Variants in CLIP2 observed in about 807,000 individuals in gnomAD.
The protein encoded by CLIP2 is CAP-Gly domain containing linker protein 2, also known as CAP-Gly domain-containing linker protein 2.
CLIP2 carries 41 observed loss-of-function variants against 111.7 expected under a neutral mutation model. The observed-to-expected ratio is 0.37, with a 90% CI of 0.29 to 0.48. The LOEUF (loss-of-function observed/expected upper bound fraction) is 0.48, where lower values mean the gene tolerates loss of function less well. Ranked by LOEUF, CLIP2 falls within the 20% of genes least tolerant of loss-of-function variation. The pLI, the probability that CLIP2 is intolerant of heterozygous loss-of-function variation, is 0.99. For missense variants in CLIP2, 1,160 were observed against 1,422.1 expected (o/e 0.82, Z 2.96); for synonymous variants, 660 against 644.2 (o/e 1.02, Z -0.37).
intron 1 of CLIP2, among the ~76,000 whole-genome samples, chr7:74,308,387 C>T (rs976333949): frequency 2.0e-5 from 3 of 152,162 alleles, no homozygotes; most frequent in African/African-American, 4.8e-5. Context: ...GGCTGATCAC[C>T]ACAAGCCACT....
chr7:74,343,527 T>C (rs1789719104), intron 3 of CLIP2, among the ~76,000 whole-genome samples: 2 of 152,126 alleles, frequency 1.3e-5, no homozygotes, highest in African/African-American at 2.4e-5. Context: ...TCATTCTCCA[T>C]GTGTCTGTTC....
intron 11 of CLIP2, among the ~76,000 whole-genome samples, chr7:74,382,471 ATTTT>A (rs35499422): frequency 1.5e-5 from 2 of 129,182 alleles, no homozygotes; most frequent in Admixed American, 7.9e-5. Context: ...TGCCCTGCTA[ATTTT>A]TTTTTTTTTT....
At chr7:74,297,886 C>G (rs782437927) in intron 1 of CLIP2, among the ~76,000 whole-genome samples, 4 of 151,454 alleles carry the variant, frequency 2.6e-5, no homozygotes, top group Non-Finnish European at 5.9e-5. Context: ...CATCTTGGAT[C>G]ACTGCAACCT....
Position 74,403,923 on chromosome 7 carries a change from G to A in CLIP2, c.*75G>A. On this transcript the variant is annotated 3_prime_UTR_variant, in exon 17 of 17. Coordinates refer to ENST00000223398, the MANE Select transcript of CLIP2 (RefSeq NM_003388.5). The stretch of plus-strand genomic sequence containing the variant: ...GGCTGCCCGGCAGTACCTCCTCCAG[G>A]CAGGAGCCGGGACTGTCACTTTGGA... 6.6e-7 allele frequency: 1 copy of A among 1,504,664 alleles called. No homozygotes were observed. The highest frequency in any genetic ancestry group is 9.2e-7 in the Non-Finnish European group (1 of 1,085,566). 93.2% of individuals were successfully genotyped at this position (1,504,664 alleles called of 1,614,324 possible).
intron 1 of CLIP2, among the ~76,000 whole-genome samples, chr7:74,314,649 G>A (rs1584317893): frequency 6.6e-6 from 1 of 152,292 alleles, no homozygotes; most frequent in South Asian, 2.1e-4. Context: ...TCCTCCATCC[G>A]ACTATGGTGC....
intron 10 of CLIP2, among the ~76,000 whole-genome samples, chr7:74,378,344 T>G (rs1584376982): frequency 6.6e-6 from 1 of 151,544 alleles, no homozygotes; most frequent in African/African-American, 2.4e-5. Context: ...CCCAGGCTGG[T>G]CTCAAACTCC....
Position 74,397,091 on chromosome 7 carries a change from G to A in CLIP2, c.2738G>A (p.Arg913Gln), listed in dbSNP as rs781807381. 3.7e-6 allele frequency: 6 copies of A among 1,613,784 alleles called. No homozygotes were observed. Among genetic ancestry groups the A allele is most frequent in the Non-Finnish European group, 5.1e-6 (6 of 1,179,930 alleles). The change falls in exon 14 of 17, where the codon CGG (arginine) becomes CAG (glutamine). Residue 913 changes from arginine (R) to glutamine (Q), a missense_variant. Physicochemically the swap from Arg to Gln is conservative, Grantham distance 43 (BLOSUM62 1). Coordinates refer to ENST00000223398, the MANE Select transcript of CLIP2 (RefSeq NM_003388.5). ...LRKERSLNELRVLLLEANRHS... is the reference protein window; with the variant it reads ...LRKERSLNELQVLLLEANRHS... Reference sequence around the variant, plus strand: ...ACCCCCAGGAGCCTGAACGAACTGCGGGTGTTGCTGCTGGAGGCCAATCGT... The same window carrying A: ...ACCCCCAGGAGCCTGAACGAACTGCAGGTGTTGCTGCTGGAGGCCAATCGT...
At chr7:74,332,498 A>C (rs537883) in intron 2 of CLIP2, among the ~76,000 whole-genome samples, 1 of 136,520 alleles carries the variant, frequency 7.3e-6, no homozygotes, top group African/African-American at 2.9e-5. Flanking sequence ...GGGTCTTGCT[A>C]TGTTGTCCAG....
chr7:74,350,753 G>C lies in CLIP2; in HGVS notation c.679-3127G>C, dbSNP rs145875407. Among the ~76,000 whole-genome samples, 526 of 152,028 alleles carry C rather than the reference G, an allele frequency of 3.5e-3. 9 individuals are homozygous for C. Among genetic ancestry groups the C allele is most frequent in the South Asian group, 0.014 (67 of 4,816 alleles). On this transcript the variant is annotated intron_variant, in intron 3 of 16. Transcript: ENST00000223398. Reference sequence around the variant, plus strand: ...TATCGTGGTGTGTTCTGTAATCTCAGCTACTTGGGAGGCCAAGGCAGGAGG... The same window carrying C: ...TATCGTGGTGTGTTCTGTAATCTCACCTACTTGGGAGGCCAAGGCAGGAGG...
chr7:74,291,563 G>A (rs1212789918), intron 1 of CLIP2, among the ~76,000 whole-genome samples: 2 of 152,304 alleles, frequency 1.3e-5, no homozygotes, highest in South Asian at 2.1e-4. Flanking sequence ...GGCTTTTAGG[G>A]TTGTTAGGAG....
In CLIP2 at chr7:74,388,507, A is replaced by C. The variant is rs1791184970; in HGVS notation, c.2564-596A>C. ...AGCAAGACTCCGTCTCAAAAAAAAA[A>C]AAAAATTTGGCCGGGCACCGCGGCT... is the stretch of plus-strand genomic sequence containing the variant. On this transcript the variant is annotated intron_variant, in intron 12 of 16. Coordinates refer to ENST00000223398, the MANE Select transcript of CLIP2 (RefSeq NM_003388.5). Among the ~76,000 whole-genome samples, 5 of 151,564 alleles carry C rather than the reference A, an allele frequency of 3.3e-5. No homozygotes were observed. The South Asian group carries it at 1.0e-3, about 32-fold the overall frequency.
intron 3 of CLIP2, among the ~76,000 whole-genome samples, chr7:74,347,405 A>C (rs1240758957): frequency 1.3e-5 from 2 of 152,076 alleles, no homozygotes; most frequent in Non-Finnish European, 2.9e-5. Context: ...GGTAGCTGGG[A>C]CTACAGGTGC....
At chr7:74,383,344 A>G (rs1266889367) in intron 11 of CLIP2, among the ~76,000 whole-genome samples, 2 of 152,152 alleles carry the variant, frequency 1.3e-5, no homozygotes, top group Admixed American at 6.6e-5. Flanking sequence ...CCTTAAATTC[A>G]CTTATGTAAT....
intron 11 of CLIP2, among the ~76,000 whole-genome samples, chr7:74,381,986 C>T (rs963943013): frequency 1.7e-4 from 26 of 152,180 alleles, no homozygotes; most frequent in African/African-American, 6.0e-4. Context: ...ATCAACAAAA[C>T]GTTTGATCAG....
intron 3 of CLIP2, among the ~76,000 whole-genome samples, chr7:74,347,688 C>T (rs1264643058): frequency 1.3e-5 from 2 of 152,270 alleles, no homozygotes; most frequent in African/African-American, 4.8e-5. Context: ...AGCTGGTCCT[C>T]TGAGAAATAA....
At chr7:74,307,443 ACATGAGG>A (rs1403251587) in intron 1 of CLIP2, among the ~76,000 whole-genome samples, 1 of 152,164 alleles carries the variant, frequency 6.6e-6, no homozygotes, top group Non-Finnish European at 1.5e-5. Flanking sequence ...GCTGGGGAGG[ACATGAGG>A]CCACATTCGT....
chr7:74,312,173 T>C (rs1261646277), intron 1 of CLIP2, among the ~76,000 whole-genome samples: 2 of 152,064 alleles, frequency 1.3e-5, no homozygotes, highest in African/African-American at 4.8e-5. Context: ...CACTTGAACC[T>C]GGGAGGCGGA....
intron 11 of CLIP2, among the ~76,000 whole-genome samples, chr7:74,382,448 G>A (rs1584380194): frequency 6.7e-6 from 1 of 149,896 alleles, no homozygotes; most frequent in African/African-American, 2.5e-5. Flanking sequence ...GGGACTACAC[G>A]TGCATGCCAC....
chr7:74,295,597 GC>G (rs1554725974), intron 1 of CLIP2, among the ~76,000 whole-genome samples: 2 of 152,162 alleles, frequency 1.3e-5, no homozygotes, highest in East Asian at 3.8e-4. Flanking sequence ...GGAGCCAGGG[GC>G]CACAGAGGAG....
Sources: allele counts gnomAD v4.1 joint callset (sites outside exome capture counted in the v4.1 genomes callset), GRCh38; gene constraint gnomAD v4.1.1; transcripts MANE v1.5; gene names NCBI Gene and HGNC (gene_info 2026-07-23, HGNC 2026-07-21).